The following NCKAP5 variants were observed in gnomAD, a reference collection of about 807,000 sequenced individuals.
The protein encoded by NCKAP5 is nck-associated protein 5.
In NCKAP5, 92 loss-of-function variants were observed where a neutral mutation model predicts 167.0. The observed-to-expected ratio is 0.55, with a 90% CI of 0.47 to 0.66. NCKAP5 has a LOEUF of 0.66. Ranked by LOEUF, NCKAP5 falls within the 30% of genes least tolerant of loss-of-function variation. The pLI, the probability that NCKAP5 is intolerant of heterozygous loss-of-function variation, is 0.00. For missense variants in NCKAP5, 2,378 were observed against 2,315.0 expected (o/e 1.03, Z -0.56); for synonymous variants, 891 against 877.4 (o/e 1.02, Z -0.27).
chr2:133,316,814 G>A (rs543816248), intron 3 of NCKAP5, among the ~76,000 whole-genome samples: 1 of 152,302 alleles, frequency 6.6e-6, no homozygotes, highest in African/African-American at 2.4e-5. Flanking sequence ...GACCAGATCT[G>A]AGTTCTCCTG....
At chr2:133,625,412 A>C in the NCKAP5 span, among the ~76,000 whole-genome samples, 2 of 152,098 alleles carry the variant, frequency 1.3e-5, no homozygotes, top group Non-Finnish European at 2.9e-5. Context: ...AACAATTTGC[A>C]CCAAAAGGAA....
At chr2:133,047,999 T>A (rs2079461123) in intron 6 of NCKAP5, among the ~76,000 whole-genome samples, 1 of 152,204 alleles carries the variant, frequency 6.6e-6, no homozygotes, top group South Asian at 2.1e-4. Flanking sequence ...AGTTTATACT[T>A]CTAAAACTGA....
In NCKAP5 at chr2:133,014,706, G is replaced by A. The variant is rs200475427; in HGVS notation, c.342-20467C>T. Among the ~76,000 whole-genome samples, 11 of 152,166 alleles carry A rather than the reference G, an allele frequency of 7.2e-5. No individual in the cohort carries two copies. In the East Asian group the frequency reaches 1.4e-3, roughly 19 times the overall value. On this transcript the variant is annotated intron_variant, in intron 6 of 19. Transcript: ENST00000409261. The stretch of plus-strand genomic sequence containing the variant: ...GGTCTTATCACAATTTCAGCCTTAC[G>A]TTTTCAATATTAAATGATGTACTCC...
chr2:133,313,852 G>C (rs1177417716), intron 3 of NCKAP5, among the ~76,000 whole-genome samples: 1 of 152,162 alleles, frequency 6.6e-6, no homozygotes, highest in African/African-American at 2.4e-5. Flanking sequence ...AGCCTTATAT[G>C]AGTGAAAAGT....
At chr2:132,719,672 G>C (rs990591724) in intron 19 of NCKAP5, among the ~76,000 whole-genome samples, 1 of 152,236 alleles carries the variant, frequency 6.6e-6, no homozygotes, top group African/African-American at 2.4e-5. Context: ...GAGTCAGATG[G>C]GGGCCAAGGC....
chr2:133,593,483 A>C, the NCKAP5 span, among the ~76,000 whole-genome samples: 1 of 152,198 alleles, frequency 6.6e-6, no homozygotes, highest in Non-Finnish European at 1.5e-5. Flanking sequence ...AAAAATCTTA[A>C]AATAGGTTTT....
chr2:133,327,254 C>T (rs1473322060), intron 3 of NCKAP5, among the ~76,000 whole-genome samples: 1 of 152,192 alleles, frequency 6.6e-6, no homozygotes, highest in East Asian at 1.9e-4. Context: ...GATGGAAGCA[C>T]AATACAGCTT....
At chr2:133,347,378 AC>A (rs1684051246) in intron 3 of NCKAP5, among the ~76,000 whole-genome samples, 1 of 151,784 alleles carries the variant, frequency 6.6e-6, no homozygotes, top group Non-Finnish European at 1.5e-5. Context: ...ACATGGAGAA[AC>A]CCCATCTCTA....
At chr2:133,528,070 AAAACAAAC>A (rs573482595) in intron 2 of NCKAP5, among the ~76,000 whole-genome samples, 1 of 152,128 alleles carries the variant, frequency 6.6e-6, no homozygotes. Context: ...CTCAAAAAAC[AAAACAAAC>A]AAACAAACAA....
At chr2:133,171,688 A>G (rs1013592596) in intron 5 of NCKAP5, among the ~76,000 whole-genome samples, 59 of 152,350 alleles carry the variant, frequency 3.9e-4, no homozygotes, top group Non-Finnish European at 2.5e-4. Flanking sequence ...CCAGAAATAT[A>G]TGTCAACACA....
chr2:133,081,566 C>A (rs2080807107), intron 6 of NCKAP5, among the ~76,000 whole-genome samples: 1 of 152,036 alleles, frequency 6.6e-6, no homozygotes, highest in Admixed American at 6.6e-5. Context: ...TTTTAAAATT[C>A]AAAATGTTTT....
At chr2:133,466,393 T>C (rs1692592018) in intron 3 of NCKAP5, among the ~76,000 whole-genome samples, 4 of 150,594 alleles carry the variant, frequency 2.7e-5, no homozygotes, top group South Asian at 2.1e-4. Flanking sequence ...ACCAGTACCA[T>C]GCTGTTTTGG....
chr2:133,082,084 T>G (rs1004266101), intron 6 of NCKAP5, among the ~76,000 whole-genome samples: 2 of 152,118 alleles, frequency 1.3e-5, no homozygotes, highest in South Asian at 4.1e-4. Flanking sequence ...CCCCAATTTG[T>G]GTCTATGTGT....
At chr2:132,827,763 C>T (rs2105350387) in intron 11 of NCKAP5, among the ~76,000 whole-genome samples, 2 of 152,252 alleles carry the variant, frequency 1.3e-5, no homozygotes, top group South Asian at 4.1e-4. Flanking sequence ...TCTGTGCTTT[C>T]TCATGGCCTT....
At chr2:132,744,992 G>T (rs550446034) in intron 16 of NCKAP5, among the ~76,000 whole-genome samples, 2 of 151,796 alleles carry the variant, frequency 1.3e-5, no homozygotes, top group East Asian at 3.9e-4. Context: ...AAATATTATA[G>T]GCCTAGATGT....
At chr2:133,435,969 T>C (rs1280681273) in intron 3 of NCKAP5, among the ~76,000 whole-genome samples, 1 of 152,190 alleles carries the variant, frequency 6.6e-6, no homozygotes, top group Non-Finnish European at 1.5e-5. Flanking sequence ...AAATAGTTAC[T>C]CTTCATGAAT....
chr2:133,616,831 T>A, the NCKAP5 span, among the ~76,000 whole-genome samples: 1 of 152,184 alleles, frequency 6.6e-6, no homozygotes, highest in East Asian at 1.9e-4. Context: ...ATACCAAAGC[T>A]GGGCAGAGAC....
At chr2:133,547,881 T>C (rs2104929956) in intron 2 of NCKAP5, among the ~76,000 whole-genome samples, 1 of 148,412 alleles carries the variant, frequency 6.7e-6, no homozygotes, top group East Asian at 2.0e-4. Flanking sequence ...GGATGGAGAA[T>C]GACTTTGACG....
chr2:132,736,663 T>TG (rs1403436712), intron 16 of NCKAP5, among the ~76,000 whole-genome samples: 1 of 151,096 alleles, frequency 6.6e-6, no homozygotes, highest in Non-Finnish European at 1.5e-5. Flanking sequence ...GGCATGCACC[T>TG]GTAGTCCCAG....
Sources: allele counts gnomAD v4.1 joint callset (sites outside exome capture counted in the v4.1 genomes callset), GRCh38; gene constraint gnomAD v4.1.1; transcripts MANE v1.5; gene names NCBI Gene and HGNC (gene_info 2026-07-23, HGNC 2026-07-21).